Variants in DOCK8 observed in about 807,000 individuals in gnomAD.
DOCK8 encodes the protein dedicator of cytokinesis protein 8.
A neutral mutation model predicts 245.6 loss-of-function variants in DOCK8; 141 were observed. The ratio of observed to expected loss-of-function variants is 0.57; its 90% CI spans 0.50 to 0.66. The LOEUF (loss-of-function observed/expected upper bound fraction) is 0.66. Ranked by LOEUF, DOCK8 falls within the 30% of genes least tolerant of loss-of-function variation. The pLI, the probability that DOCK8 is intolerant of heterozygous loss-of-function variation, is 0.00. For synonymous variants in DOCK8, 1,168 were observed against 970.2 expected, an observed-to-expected ratio of 1.20 and a Z score of -3.79; for missense variants, 2,965 against 2,603.4, an observed-to-expected ratio of 1.14 and a Z score of -3.02.
intron 6 of DOCK8, among the ~76,000 whole-genome samples, chr9:315,361 G>A (rs1325987308): frequency 6.6e-6 from 1 of 152,148 alleles, no homozygotes; most frequent in East Asian, 1.9e-4. Flanking sequence ...TAGCTATAAA[G>A]CCTGAGGAAA....
chr9:269,605 G>C (rs2048112068), intron 1 of DOCK8, among the ~76,000 whole-genome samples: 1 of 149,038 alleles, frequency 6.7e-6, no homozygotes. Context: ...ACCCAGGCTG[G>C]AGTGCAGTGG....
At chr9:376,862 C>A in intron 19 of DOCK8, 115 bp from the exon 20 acceptor site, 1 of 948,200 alleles carries the variant, frequency 1.1e-6, no homozygotes, top group Non-Finnish European at 1.7e-6. Flanking sequence ...ACCTTCTGGT[C>A]TGAAACGCTG....
At chr9:443,297 G>T (rs925440052) in intron 42 of DOCK8, 130 bp from the exon 43 acceptor site, 2 of 892,506 alleles carry the variant, frequency 2.2e-6, no homozygotes, top group African/African-American at 3.3e-5. Context: ...CATTAGCTCA[G>T]AGGAACTCTC....
chr9:429,306 A>C (rs925221386), intron 35 of DOCK8, among the ~76,000 whole-genome samples: 1 of 152,152 alleles, frequency 6.6e-6, no homozygotes, highest in Non-Finnish European at 1.5e-5. Context: ...GGTGCCTTCT[A>C]CATGGGGTCT....
chr9:230,574 C>A (rs2047090849), intron 1 of DOCK8, among the ~76,000 whole-genome samples: 2 of 152,042 alleles, frequency 1.3e-5, no homozygotes, highest in Non-Finnish European at 2.9e-5. Context: ...TGTTTCCTGA[C>A]TTTTTAATGA....
At chr9:214,563 C>T, upstream of DOCK8, 1 of 1,614,062 alleles carries the variant, frequency 6.2e-7, no homozygotes, top group Non-Finnish European at 8.5e-7. Context: ...GCTCCCCCGA[C>T]TTGCCTACAT....
chr9:300,618 GAGA>G (rs1369998898), intron 4 of DOCK8, among the ~76,000 whole-genome samples: 2 of 150,860 alleles, frequency 1.3e-5, no homozygotes, highest in Non-Finnish European at 3.0e-5. Flanking sequence ...GAAAACAAGA[GAGA>G]AGATCGATCC....
intron 24 of DOCK8, 91 bp downstream of exon 24, chr9:390,657 C>T (rs80292694): frequency 4.8e-6 from 6 of 1,251,852 alleles, no homozygotes; most frequent in Non-Finnish European, 7.0e-6. Context: ...TGAGTTGCCC[C>T]TGCTGAAAAC....
chr9:403,635 G>A (rs1249911119), intron 26 of DOCK8, among the ~76,000 whole-genome samples: 4 of 151,770 alleles, frequency 2.6e-5, no homozygotes, highest in Admixed American at 2.0e-4. Flanking sequence ...AGGCCAAGGC[G>A]GGAGGATCAC....
chr9:393,370 T>G (rs981491856), intron 24 of DOCK8, among the ~76,000 whole-genome samples: 3 of 152,232 alleles, frequency 2.0e-5, no homozygotes, highest in African/African-American at 7.2e-5. Context: ...TCAAAACTAC[T>G]GAGCATCTTA....
chr9:275,743 C>G (rs2048321629), intron 2 of DOCK8, among the ~76,000 whole-genome samples: 1 of 152,078 alleles, frequency 6.6e-6, no homozygotes, highest in African/African-American at 2.4e-5. Flanking sequence ...CGTGCACCAC[C>G]ACAACTGGCT....
chr9:451,971 ATATATATTTTTTTTTTT>A (rs2057470235), intron 45 of DOCK8, 23 bp from the exon 46 acceptor site: 34 of 401,290 alleles, frequency 8.5e-5, no homozygotes, highest in Middle Eastern at 6.7e-4. Flanking sequence ...ATATATATAT[ATATATATTTTTTTTTTT>A]TTTTTTTTTT....
chr9:219,765 C>T (rs2046842782), intron 1 of DOCK8, among the ~76,000 whole-genome samples: 1 of 152,168 alleles, frequency 6.6e-6, no homozygotes, highest in Non-Finnish European at 1.5e-5. Flanking sequence ...GCTGTGGTGG[C>T]TTGCACCTGT....
intron 1 of DOCK8, among the ~76,000 whole-genome samples, chr9:263,830 A>G (rs2047978003): frequency 6.6e-6 from 1 of 152,180 alleles, no homozygotes; most frequent in South Asian, 2.1e-4. Context: ...TGGTTGCATT[A>G]TTACACTTTG....
chr9:440,331 T>C (rs932264572), intron 40 of DOCK8, among the ~76,000 whole-genome samples: 1 of 152,238 alleles, frequency 6.6e-6, no homozygotes, highest in Non-Finnish European at 1.5e-5. Flanking sequence ...GTTTTCATTT[T>C]AATAATCTCC....
At chr9:390,432 C>A in intron 23 of DOCK8, 39 bp from the exon 24 acceptor site, 2 of 1,560,630 alleles carry the variant, frequency 1.3e-6, no homozygotes, top group Non-Finnish European at 1.8e-6. Flanking sequence ...ATAATAATAG[C>A]CTTTGTTTCA....
intron 2 of DOCK8, among the ~76,000 whole-genome samples, chr9:279,797 C>T (rs1476349141): frequency 1.3e-5 from 2 of 152,294 alleles, no homozygotes; most frequent in African/African-American, 4.8e-5. Flanking sequence ...GATACAGGTG[C>T]GCCAGCTGGA....
At chr9:350,353 C>T (rs2052102402) in intron 14 of DOCK8, among the ~76,000 whole-genome samples, 1 of 152,228 alleles carries the variant, frequency 6.6e-6, no homozygotes, top group Admixed American at 6.5e-5. Context: ...CTCAAGCAAT[C>T]TTCCTACCTC....
chr9:287,794 T>C (rs942903512), intron 3 of DOCK8, among the ~76,000 whole-genome samples: 7 of 152,346 alleles, frequency 4.6e-5, no homozygotes, highest in African/African-American at 1.7e-4. Context: ...ATTTCATCTT[T>C]AGTGAAGAAT....
Sources: allele counts gnomAD v4.1 joint callset (sites outside exome capture counted in the v4.1 genomes callset), GRCh38; gene constraint gnomAD v4.1.1; transcripts MANE v1.5; gene names NCBI Gene and HGNC (gene_info 2026-07-23, HGNC 2026-07-21).